ACOXL: variants seen among roughly 807,000 people sequenced by gnomAD.
ACOXL encodes acyl-coenzyme A oxidase-like protein.
Under a neutral mutation model 71.9 loss-of-function variants are expected in ACOXL, and 70 were observed. The ratio of observed to expected loss-of-function variants is 0.97; its 90% CI spans 0.80 to 1.19. The LOEUF is 1.19. Ranked by LOEUF, ACOXL falls within the 50% of genes most tolerant of loss-of-function variation. ACOXL has a pLI of 0.00. For missense variants in ACOXL, 703 were observed against 736.3 expected (o/e 0.95, Z 0.52); for synonymous variants, 253 against 281.6 (o/e 0.90, Z 1.02).
intron 12 of ACOXL, among the ~76,000 whole-genome samples, chr2:110,983,649 G>A (rs985957652): frequency 6.6e-6 from 1 of 152,144 alleles, no homozygotes; most frequent in Non-Finnish European, 1.5e-5. Context: ...TTGTCTTAAG[G>A]AAACCTTGAA....
rs370782307 is a variant in ACOXL at position 110,994,988 on chromosome 2, G to A, written c.1170-905G>A. Among the ~76,000 whole-genome samples the A allele has an allele frequency of 1.1e-4, 16 of 151,958 alleles. No homozygotes were observed. In the East Asian group the frequency reaches 3.1e-3, roughly 29 times the overall value. ...ATAATTATAGTATTCTAGAATTATC[G>A]AGAAAATTGAATAATTCACAGCAGA... On this transcript the variant is annotated intron_variant, in intron 13 of 17. Transcript: ENST00000439055.
chr2:110,933,403 G>A (rs565617517), intron 11 of ACOXL, 86 bp from the exon 12 acceptor site: 16 of 1,470,520 alleles, frequency 1.1e-5, no homozygotes, highest in African/African-American at 9.7e-5. Flanking sequence ...CTCAAATAGC[G>A]TTATAGCACT....
intron 11 of ACOXL, among the ~76,000 whole-genome samples, chr2:110,913,368 G>C (rs2059716627): frequency 6.6e-6 from 1 of 152,144 alleles, no homozygotes; most frequent in Admixed American, 6.6e-5. Context: ...TCCATAGATT[G>C]ACAAATGGGT....
intron 14 of ACOXL, among the ~76,000 whole-genome samples, chr2:111,010,710 T>C (rs779141041): frequency 1.3e-5 from 2 of 151,990 alleles, no homozygotes; most frequent in Non-Finnish European, 2.9e-5. Flanking sequence ...ACAAAGAACA[T>C]TAGATGCAAG....
intron 2 of ACOXL, among the ~76,000 whole-genome samples, chr2:110,776,672 G>A (rs1682691091): frequency 6.6e-6 from 1 of 152,026 alleles, no homozygotes; most frequent in Admixed American, 6.6e-5. Context: ...GAGTGAGAGA[G>A]GAGGAGAGAG....
chr2:110,823,212 C>T (rs1372165211), intron 9 of ACOXL, among the ~76,000 whole-genome samples: 1 of 149,546 alleles, frequency 6.7e-6, no homozygotes, highest in Non-Finnish European at 1.5e-5. Flanking sequence ...AAGATGGTGC[C>T]ATTGCACTCC....
intron 15 of ACOXL, among the ~76,000 whole-genome samples, chr2:111,032,630 T>C (rs1428791684): frequency 1.3e-5 from 2 of 152,192 alleles, no homozygotes; most frequent in East Asian, 3.8e-4. Context: ...ACTGGGTCAC[T>C]GCTGGCCCTG....
chr2:110,774,010 T>C (rs1312021778), intron 2 of ACOXL, among the ~76,000 whole-genome samples: 1 of 152,246 alleles, frequency 6.6e-6, no homozygotes, highest in African/African-American at 2.4e-5. Flanking sequence ...TGGTGCTATT[T>C]GTTTTTTGAC....
intron 16 of ACOXL, among the ~76,000 whole-genome samples, chr2:111,082,818 A>T (rs2067997891): frequency 6.6e-6 from 1 of 152,226 alleles, no homozygotes; most frequent in Non-Finnish European, 1.5e-5. Flanking sequence ...GATAAAGAAA[A>T]TGTGGCACAT....
At position 111,101,818 on chromosome 2, in the gene ACOXL, G is replaced by A. The variant is rs549201746; in HGVS notation, c.1542+8852G>A. On this transcript the variant is annotated intron_variant, in intron 17 of 17. Coordinates refer to ENST00000439055, the MANE Select transcript of ACOXL (RefSeq NM_001142807.4). Reference sequence around the variant, plus strand: ...TAAGCACAGGGACCTACTCTGCCAGGGTGGGAAGGGACAGCCCCTGGCTGT... The same window carrying A: ...TAAGCACAGGGACCTACTCTGCCAGAGTGGGAAGGGACAGCCCCTGGCTGT... The A allele has an allele frequency of 3.3e-5, 5 of 152,750 alleles. No individual in the cohort carries two copies. In the East Asian group the frequency reaches 7.7e-4, roughly 24 times the overall value. 9.5% of individuals were successfully genotyped at this position (152,750 alleles called of 1,614,324 possible). A position where few individuals can be genotyped will look rare whatever the true frequency, so the allele number is the denominator to read the frequency against.
At chr2:110,968,328 A>G (rs1269911483) in intron 12 of ACOXL, 1 of 1,190,002 alleles carries the variant, frequency 8.4e-7, no homozygotes, top group Non-Finnish European at 1.2e-6. Context: ...CCCTGAAGGG[A>G]GCTGTGGCTG....
chr2:110,978,448 T>C (rs1204428011), intron 12 of ACOXL, among the ~76,000 whole-genome samples: 2 of 152,170 alleles, frequency 1.3e-5, no homozygotes, highest in East Asian at 3.9e-4. Context: ...GCAGAGAGTT[T>C]TACAGACCGC....
chr2:110,950,151 G>C (rs1271533158), intron 12 of ACOXL, among the ~76,000 whole-genome samples: 2 of 152,086 alleles, frequency 1.3e-5, no homozygotes, highest in Non-Finnish European at 2.9e-5. Flanking sequence ...AGCATTAGGA[G>C]ATATACCTAA....
At chr2:111,067,988 C>T (rs1402141635) in intron 16 of ACOXL, among the ~76,000 whole-genome samples, 1 of 152,154 alleles carries the variant, frequency 6.6e-6, no homozygotes, top group Non-Finnish European at 1.5e-5. Flanking sequence ...GTGCCCCTCT[C>T]TTGGACTGTT....
At chr2:111,112,750 G>A (rs2070078657) in intron 17 of ACOXL, among the ~76,000 whole-genome samples, 1 of 152,228 alleles carries the variant, frequency 6.6e-6, no homozygotes, top group African/African-American at 2.4e-5. Flanking sequence ...TTAAGGTGGT[G>A]ATCCAAAGCA....
intron 15 of ACOXL, among the ~76,000 whole-genome samples, chr2:111,042,013 C>T (rs1200902981): frequency 3.9e-5 from 6 of 152,188 alleles, no homozygotes; most frequent in East Asian, 1.9e-4. Context: ...GCCCAGAACA[C>T]GGCAGGCAGG....
intron 10 of ACOXL, among the ~76,000 whole-genome samples, chr2:110,886,515 T>TA (rs1479483049): frequency 2.0e-5 from 3 of 152,006 alleles, no homozygotes; most frequent in African/African-American, 7.2e-5. Context: ...TAGCTGGAAT[T>TA]ACTGGCATGC....
At chr2:111,025,652 G>GT (rs2064986638) in intron 14 of ACOXL, among the ~76,000 whole-genome samples, 1 of 152,104 alleles carries the variant, frequency 6.6e-6, no homozygotes, top group South Asian at 2.1e-4. Flanking sequence ...GTTAAACTGG[G>GT]TTTTGTTTTC....
intron 9 of ACOXL, among the ~76,000 whole-genome samples, chr2:110,826,682 G>A (rs1008144619): frequency 1.3e-5 from 2 of 150,644 alleles, no homozygotes; most frequent in Admixed American, 6.6e-5. Flanking sequence ...AACATGTCAT[G>A]TTAAAGTTAG....
Sources: gnomAD v4.1 joint callset for allele counts (sites outside exome capture counted in the v4.1 genomes callset) on GRCh38, gnomAD v4.1.1 for gene constraint, MANE v1.5 for transcripts, NCBI Gene and HGNC (gene_info 2026-07-23, HGNC 2026-07-21) for gene names.